Variants in AVL9 observed in about 807,000 individuals in gnomAD.
AVL9 encodes AVL9 cell migration associated, also known as late secretory pathway protein AVL9 homolog.
AVL9 carries 49 observed loss-of-function variants against 79.2 expected under a neutral mutation model. That is an observed-to-expected ratio of 0.62 (90% confidence interval 0.49 to 0.79). AVL9 has a LOEUF of 0.79. Ranked by LOEUF, AVL9 falls within the 30% of genes least tolerant of loss-of-function variation. AVL9 has a pLI of 0.00. For synonymous variants in AVL9, 299 were observed against 280.6 expected (o/e 1.07, Z -0.65); for missense variants, 682 against 776.8 (o/e 0.88, Z 1.45).
intron 11 of AVL9, among the ~76,000 whole-genome samples, chr7:32,571,781 C>T (rs1010218488): frequency 1.3e-5 from 2 of 151,806 alleles, no homozygotes; most frequent in South Asian, 2.1e-4. Context: ...TTGGTGGGTG[C>T]GTAGGAATTT....
intron 3 of AVL9, among the ~76,000 whole-genome samples, chr7:32,547,414 T>G (rs927924296): frequency 1.3e-5 from 2 of 152,222 alleles, no homozygotes; most frequent in Non-Finnish European, 2.9e-5. Context: ...CATACTTATA[T>G]GTGAGATGAA....
chr7:32,497,902 C>G (rs866143044), intron 1 of AVL9, among the ~76,000 whole-genome samples: 2 of 152,142 alleles, frequency 1.3e-5, no homozygotes, highest in African/African-American at 4.8e-5. Flanking sequence ...CCGCCCGCCT[C>G]GGCCTCCCAA....
chr7:32,516,379 A>C (rs1787901101), intron 1 of AVL9, among the ~76,000 whole-genome samples: 1 of 152,136 alleles, frequency 6.6e-6, no homozygotes, highest in Admixed American at 6.5e-5. Flanking sequence ...TTTCCTCTCA[A>C]AATTAATCTT....
chr7:32,500,162 A>G (rs891549485), intron 1 of AVL9, among the ~76,000 whole-genome samples: 12 of 152,190 alleles, frequency 7.9e-5, no homozygotes, highest in Non-Finnish European at 1.8e-4. Context: ...TCCTTGAGGA[A>G]TCACCACACT....
intron 1 of AVL9, among the ~76,000 whole-genome samples, chr7:32,503,167 G>A (rs1237239436): frequency 1.3e-5 from 2 of 151,460 alleles, no homozygotes; most frequent in Non-Finnish European, 1.5e-5. Flanking sequence ...AATAAACTCT[G>A]GGTGTTCATT....
intron 10 of AVL9, among the ~76,000 whole-genome samples, chr7:32,561,189 T>C (rs1293530283): frequency 2.0e-5 from 3 of 152,226 alleles, no homozygotes; most frequent in African/African-American, 4.8e-5. Flanking sequence ...AGCTTGTCCT[T>C]TGAAGCTTTA....
Position 32,499,015 on chromosome 7 carries a change from T to C in AVL9, c.93+3213T>C. ...CCCGCCTCTACTAAAAATACAAAAT[T>C]AGCTGCGCGTGGTGGCACATGCCTG... On this transcript the variant is annotated intron_variant, in intron 1 of 15. Coordinates refer to ENST00000318709, the MANE Select transcript of AVL9 (RefSeq NM_015060.3). Among the ~76,000 whole-genome samples, 2 of 55,540 alleles carry C rather than the reference T, an allele frequency of 3.6e-5. 1 individual carries two copies. Among genetic ancestry groups the C allele is most frequent in the Non-Finnish European group, 6.8e-5 (2 of 29,222 alleles). 36.4% of individuals were successfully genotyped at this position (55,540 alleles called of 152,430 possible).
chr7:32,567,168 C>G (rs1790620293), intron 10 of AVL9, among the ~76,000 whole-genome samples: 1 of 152,160 alleles, frequency 6.6e-6, no homozygotes, highest in African/African-American at 2.4e-5. Context: ...GTGGTGTGAT[C>G]TCAGCTCACT....
chr7:32,578,369 C>G (rs1271550745), intron 13 of AVL9, among the ~76,000 whole-genome samples: 1 of 152,144 alleles, frequency 6.6e-6, no homozygotes, highest in Non-Finnish European at 1.5e-5. Context: ...TGCAAATCTA[C>G]CCCCAAAAAG....
At chr7:32,542,058 C>T (rs1789234854) in intron 1 of AVL9, among the ~76,000 whole-genome samples, 1 of 152,080 alleles carries the variant, frequency 6.6e-6, no homozygotes, top group Non-Finnish European at 1.5e-5. Flanking sequence ...AAAAGTTTTA[C>T]TCCTTAATCT....
At chr7:32,580,078 G>A (rs535340047) in intron 13 of AVL9, 141 bp from the exon 14 acceptor site, 2 of 643,478 alleles carry the variant, frequency 3.1e-6, no homozygotes, top group Non-Finnish European at 5.5e-6. Context: ...TGTGACCAAA[G>A]CCAAGTTTCC....
At chr7:32,533,630 A>G (rs1788767234) in intron 1 of AVL9, 1 of 152,206 alleles carries the variant, frequency 6.6e-6, no homozygotes, top group South Asian at 2.1e-4. Context: ...TTTTGTTTTA[A>G]GCAGAAAACA....
chr7:32,570,925 ATAATTT>A (rs1790809661), intron 11 of AVL9, among the ~76,000 whole-genome samples: 1 of 144,384 alleles, frequency 6.9e-6, no homozygotes. Flanking sequence ...CCAGCCTGAA[ATAATTT>A]TTGAGAAATT....
Position 32,566,180 on chromosome 7 carries a change from A to ATCTTTTTTTT in AVL9, c.1216-3839_1216-3838insCTTTTTTTTT, listed in dbSNP as rs70992731. 8.3e-4 allele frequency among the ~76,000 whole-genome samples: 78 copies of ATCTTTTTTTT among 93,864 alleles called. 10 individuals are homozygous for ATCTTTTTTTT. Among genetic ancestry groups the ATCTTTTTTTT allele is most frequent in the African/African-American group, 7.9e-4 (19 of 24,082 alleles). 61.6% of individuals were successfully genotyped at this position (93,864 alleles called of 152,430 possible). A position where few individuals can be genotyped will look rare whatever the true frequency, so the allele number is the denominator to read the frequency against. ...TAAAAAAATTTTAATTATTATTATT[A>ATCTTTTTTTT]TTTTTTTTTTTTGGAGACAAGGTCT... is the stretch of plus-strand genomic sequence containing the variant. On this transcript the variant is annotated intron_variant, in intron 10 of 15. Transcript: ENST00000318709.
At chr7:32,551,289 T>C (rs991373469) in intron 4 of AVL9, 45 bp from the exon 5 acceptor site, 14 of 1,277,410 alleles carry the variant, frequency 1.1e-5, no homozygotes, top group African/African-American at 3.0e-5. Context: ...TTTACTGTTA[T>C]CAACTAATTA....
intron 4 of AVL9, 48 bp from the exon 5 acceptor site, chr7:32,551,286 T>A: frequency 7.9e-7 from 1 of 1,258,366 alleles, no homozygotes; most frequent in Non-Finnish European, 1.1e-6. Flanking sequence ...AATTTTACTG[T>A]TATCAACTAA....
In AVL9 at chr7:32,529,472, T is replaced by C. The variant is rs75536939; in HGVS notation, c.94-13669T>C. Among the ~76,000 whole-genome samples, 856 of 152,358 alleles carry C rather than the reference T, an allele frequency of 5.6e-3. 8 individuals are homozygous for C. Among genetic ancestry groups the C allele is most frequent in the African/African-American group, 0.02 (813 of 41,586 alleles). The stretch of plus-strand genomic sequence containing the variant: ...GTTTGGTCTGGTTTATTAGTCCTAA[T>C]ACACCCTATAGCTCAGTCCAAAACA... On this transcript the variant is annotated intron_variant, in intron 1 of 15. Transcript: ENST00000318709.
chr7:32,578,680 A>T (rs1016877157), intron 13 of AVL9, among the ~76,000 whole-genome samples: 2 of 151,974 alleles, frequency 1.3e-5, no homozygotes, highest in African/African-American at 4.8e-5. Flanking sequence ...GTGGTGGTAC[A>T]TGCCTGTACT....
chr7:32,555,407 A>G (rs1790010559), intron 8 of AVL9, among the ~76,000 whole-genome samples: 1 of 152,244 alleles, frequency 6.6e-6, no homozygotes, highest in East Asian at 1.9e-4. Flanking sequence ...GGCCACACAC[A>G]TGGCTACTCC....
Sources: gnomAD v4.1 joint callset for allele counts (sites outside exome capture counted in the v4.1 genomes callset) on GRCh38, gnomAD v4.1.1 for gene constraint, MANE v1.5 for transcripts, NCBI Gene and HGNC (gene_info 2026-07-23, HGNC 2026-07-21) for gene names.